GLYATL2: variants seen among roughly 807,000 people sequenced by gnomAD.
GLYATL2 encodes glycine N-acyltransferase-like protein 2.
Under a neutral mutation model 21.4 loss-of-function variants are expected in GLYATL2, and 25 were observed. The ratio of observed to expected loss-of-function variants is 1.17; its 90% CI spans 0.85 to 1.63. GLYATL2 has a LOEUF of 1.63. GLYATL2 is among the 40% of genes most tolerant of loss of function. The pLI is 0.00. For missense variants in GLYATL2, 361 were observed against 343.3 expected (o/e 1.05, Z -0.41); for synonymous variants, 114 against 118.2 (o/e 0.96, Z 0.23).
rs1343831150 is a variant in GLYATL2, at chr11:58,844,660, G to A, written c.-267C>T. 1.3e-5 allele frequency: 2 copies of A among 152,184 alleles called. No individual in the cohort carries two copies. The highest frequency in any genetic ancestry group is 2.9e-5 in the Non-Finnish European group (2 of 68,034). The allele number at this position is 152,184 out of a possible 1,614,324, so 9.4% of individuals were successfully genotyped here. A position where few individuals can be genotyped will look rare whatever the true frequency, so the allele number is the denominator to read the frequency against. ...ATCACAGGCTTTGTAGACCAGAGGAGGACTGAGAATATGTTCCATATTGAG... is the reference window on the plus strand; with the variant it reads ...ATCACAGGCTTTGTAGACCAGAGGAAGACTGAGAATATGTTCCATATTGAG... On this transcript the variant is annotated 5_prime_UTR_variant, in exon 1 of 6. Coordinates refer to ENST00000287275, the MANE Select transcript of GLYATL2 (RefSeq NM_145016.4).
chr11:58,900,004 A>G (rs1854708391), intron 1 of GLYATL2, among the ~76,000 whole-genome samples: 1 of 149,060 alleles, frequency 6.7e-6, no homozygotes, highest in African/African-American at 2.4e-5. Flanking sequence ...AGGTATCAGT[A>G]GTATTTTGGG....
intron 1 of GLYATL2, among the ~76,000 whole-genome samples, chr11:58,852,260 G>A (rs1161239845): frequency 1.3e-5 from 2 of 152,076 alleles, no homozygotes; most frequent in African/African-American, 4.8e-5. Context: ...GGGGCTATTA[G>A]ATACCCAACC....
rs1438025202 is a variant in GLYATL2 at position 58,868,676 on chromosome 11, G to A, written n.61-30308C>T. 1.3e-5 allele frequency among the ~76,000 whole-genome samples: 2 copies of A among 149,036 alleles called. 1 individual carries two copies. Among genetic ancestry groups the A allele is most frequent in the Non-Finnish European group, 3.0e-5 (2 of 67,116 alleles). Reference sequence around the variant, plus strand: ...ACTTTGGCTTGGCGGCCATGGCCCAGGAGTCTCAAAGCCCTCCTAAGCAGC... The same window carrying A: ...ACTTTGGCTTGGCGGCCATGGCCCAAGAGTCTCAAAGCCCTCCTAAGCAGC... On this transcript the variant is annotated intron_variant and non_coding_transcript_variant, in intron 1 of 4. Transcript: ENST00000533636.
chr11:58,890,854 C>G (rs1453771041), intron 1 of GLYATL2, among the ~76,000 whole-genome samples: 2 of 151,654 alleles, frequency 1.3e-5, no homozygotes, highest in Non-Finnish European at 2.9e-5. Flanking sequence ...GTCCCTCTCT[C>G]TCTTCTTCTC....
chr11:58,899,412 A>G (rs182333723), intron 1 of GLYATL2, among the ~76,000 whole-genome samples: 3 of 152,302 alleles, frequency 2.0e-5, no homozygotes, highest in Non-Finnish European at 4.4e-5. Flanking sequence ...ACCAAAAATT[A>G]AAAAAACAAA....
At chr11:58,887,453 A>G (rs1281437957) in intron 1 of GLYATL2, among the ~76,000 whole-genome samples, 1 of 152,190 alleles carries the variant, frequency 6.6e-6, no homozygotes, top group Non-Finnish European at 1.5e-5. Context: ...AAGATAATAT[A>G]TGCTGATTAT....
At chr11:58,891,763 C>T (rs565611902) in intron 1 of GLYATL2, among the ~76,000 whole-genome samples, 3 of 152,270 alleles carry the variant, frequency 2.0e-5, no homozygotes, top group South Asian at 2.1e-4. Context: ...CAGGAGGTTA[C>T]GTGGGGCACA....
At chr11:58,853,521 C>T (rs1853777088) in intron 1 of GLYATL2, among the ~76,000 whole-genome samples, 1 of 152,112 alleles carries the variant, frequency 6.6e-6, no homozygotes, top group Non-Finnish European at 1.5e-5. Context: ...ACTGTAGTAT[C>T]AACTGGAAGT....
chr11:58,874,975 A>T (rs1034237456), intron 1 of GLYATL2, among the ~76,000 whole-genome samples: 2 of 152,080 alleles, frequency 1.3e-5, no homozygotes, highest in Non-Finnish European at 2.9e-5. Context: ...GGGTGCTCCT[A>T]TATTGGGTGC....
chr11:58,908,147 C>T (rs1223791592), upstream of GLYATL2: 1 of 152,232 alleles, frequency 6.6e-6, no homozygotes, highest in African/African-American at 2.4e-5. Context: ...AGGCTCCAGT[C>T]ATCTTGGCCT....
intron 1 of GLYATL2, among the ~76,000 whole-genome samples, chr11:58,857,131 T>C (rs1174750984): frequency 6.6e-6 from 1 of 152,196 alleles, no homozygotes. Context: ...TGATTTACAT[T>C]CCCACCAACA....
At chr11:58,871,875 G>T (rs1375602453) in intron 1 of GLYATL2, among the ~76,000 whole-genome samples, 1 of 152,166 alleles carries the variant, frequency 6.6e-6, no homozygotes, top group Non-Finnish European at 1.5e-5. Flanking sequence ...TTCCACAATG[G>T]TTGAACTAGT....
chr11:58,897,255 T>C (rs1854650942), intron 1 of GLYATL2, among the ~76,000 whole-genome samples: 1 of 152,170 alleles, frequency 6.6e-6, no homozygotes, highest in Non-Finnish European at 1.5e-5. Flanking sequence ...TTCCTCACCC[T>C]GAAGGAGCTC....
Position 58,837,415 on chromosome 11 carries a change from A to C in GLYATL2, c.187-18T>G. On this transcript the variant is annotated intron_variant, in intron 3 of 5. Transcript: ENST00000287275. ...TTCATCTCCTGATATAACAAATATC[A>C]ATTATATTTACATAGCGCTACAATT... The C allele has an allele frequency of 6.2e-7, 1 of 1,606,886 alleles. No homozygotes were observed. The highest frequency in any genetic ancestry group is 8.5e-7 in the Non-Finnish European group (1 of 1,174,164).
chr11:58,859,904 C>A (rs1225941025), intron 1 of GLYATL2, among the ~76,000 whole-genome samples: 4 of 152,118 alleles, frequency 2.6e-5, no homozygotes, highest in African/African-American at 9.7e-5. Flanking sequence ...TTCTTGGCAA[C>A]TTTGTCAAAA....
intron 1 of GLYATL2, among the ~76,000 whole-genome samples, chr11:58,853,509 C>T (rs761218335): frequency 7.2e-5 from 11 of 152,050 alleles, no homozygotes; most frequent in African/African-American, 1.4e-4. Flanking sequence ...TACTGAGGGA[C>T]GACTGTAGTA....
intron 1 of GLYATL2, among the ~76,000 whole-genome samples, chr11:58,890,624 GT>G (rs552829681): frequency 1.3e-5 from 2 of 151,830 alleles, no homozygotes; most frequent in South Asian, 2.1e-4. Context: ...GAGGTTTTCT[GT>G]TTTTTTGAAA....
chr11:58,901,606 T>A, intron 1 of GLYATL2, among the ~76,000 whole-genome samples: 1 of 151,824 alleles, frequency 6.6e-6, no homozygotes, highest in Non-Finnish European at 1.5e-5. Flanking sequence ...GGAAAGGAAT[T>A]TGCTCAAGGT....
intron 1 of GLYATL2, among the ~76,000 whole-genome samples, chr11:58,868,071 G>C (rs1854051403): frequency 6.7e-6 from 1 of 148,836 alleles, no homozygotes; most frequent in Non-Finnish European, 1.5e-5. Context: ...ACAGATGGGA[G>C]AGGAGCCTAC....
Sources: gnomAD v4.1 joint callset for allele counts (sites outside exome capture counted in the v4.1 genomes callset) on GRCh38, gnomAD v4.1.1 for gene constraint, MANE v1.5 for transcripts, NCBI Gene and HGNC (gene_info 2026-07-23, HGNC 2026-07-21) for gene names.